Variants in THNSL1 observed in about 807,000 individuals in gnomAD.
The protein encoded by THNSL1 is threonine synthase-like 1.
Under a neutral mutation model 50.4 loss-of-function variants are expected in THNSL1, and 48 were observed. The observed-to-expected ratio is 0.95, with a 90% CI of 0.76 to 1.21. The LOEUF is 1.21. Among genes scored for constraint, THNSL1 ranks in the 50% most tolerant of loss-of-function variants. THNSL1 has a pLI of 0.00. For synonymous variants in THNSL1, 309 were observed against 306.1 expected, an observed-to-expected ratio of 1.01 and a Z score of -0.10; for missense variants, 896 against 871.7, an observed-to-expected ratio of 1.03 and a Z score of -0.35.
chr10:24,961,535 CT>C, the THNSL1 span, among the ~76,000 whole-genome samples: 12 of 150,330 alleles, frequency 8.0e-5, no homozygotes, highest in South Asian at 2.1e-4. Context: ...ATATTAGTGT[CT>C]TTTTTTTTCA....
intron 2 of THNSL1, 99 bp from the exon 3 acceptor site, chr10:25,023,077 G>C: frequency 1.3e-6 from 1 of 744,052 alleles, no homozygotes; most frequent in Non-Finnish European, 2.1e-6. Context: ...TGTACCATGG[G>C]CATGGTTATA....
Position 25,023,525 on chromosome 10 carries a change from A to C in THNSL1, c.302A>C (p.Glu101Ala). 1 of 1,614,150 alleles carries C rather than the reference A, an allele frequency of 6.2e-7. No homozygotes were observed. Among genetic ancestry groups the C allele is most frequent in the Non-Finnish European group, 8.5e-7 (1 of 1,180,018 alleles). ...LEKTWNMSVS[E>A]KLQDVGNEQF... ...AAAACCTGGAATATGAGTGTGTCTGAAAAATTACAGGATGTTGGTAATGAG... is the reference window on the plus strand; with the variant it reads ...AAAACCTGGAATATGAGTGTGTCTGCAAAATTACAGGATGTTGGTAATGAG... Residue 101 changes from glutamate (E) to alanine (A), a missense_variant, in exon 3 of 3, where the codon GAA becomes GCA. Physicochemically the swap from Glu to Ala is moderately radical, Grantham distance 107. Transcript: ENST00000376356.
At chr10:24,981,827 T>C in the THNSL1 span, among the ~76,000 whole-genome samples, 1 of 152,162 alleles carries the variant, frequency 6.6e-6, no homozygotes, top group East Asian at 1.9e-4. Flanking sequence ...CTTTAGTACT[T>C]GAGATCTTAA....
At chr10:24,989,416 C>T in the THNSL1 span, among the ~76,000 whole-genome samples, 1 of 152,130 alleles carries the variant, frequency 6.6e-6, no homozygotes, top group Non-Finnish European at 1.5e-5. Context: ...TGGGACATGC[C>T]GTCACTCTAC....
At chr10:25,017,552 T>C in intron 1 of THNSL1, among the ~76,000 whole-genome samples, 1 of 152,140 alleles carries the variant, frequency 6.6e-6, no homozygotes, top group East Asian at 1.9e-4. Flanking sequence ...AAAAAGGCTT[T>C]ACTGAATGTG....
chr10:24,958,128 T>C, the THNSL1 span, among the ~76,000 whole-genome samples: 63,577 of 151,888 alleles, frequency 0.42, 13,525 homozygotes, highest in African/African-American at 0.5. Flanking sequence ...TAATTCTTTC[T>C]GCACTAGACT....
chr10:24,959,976 A>T, the THNSL1 span, among the ~76,000 whole-genome samples: 3 of 152,142 alleles, frequency 2.0e-5, no homozygotes, highest in East Asian at 5.8e-4. Context: ...TATCCTTCAG[A>T]TTGACATGCA....
chr10:25,010,462 A>G, the THNSL1 span, among the ~76,000 whole-genome samples: 1 of 151,930 alleles, frequency 6.6e-6, no homozygotes, highest in South Asian at 2.1e-4. Flanking sequence ...TTATTATTAT[A>G]CTTTAAGTTT....
At chr10:24,958,360 G>C in the THNSL1 span, among the ~76,000 whole-genome samples, 17 of 152,208 alleles carry the variant, frequency 1.1e-4, no homozygotes, top group Middle Eastern at 3.4e-3. Flanking sequence ...CCATAGTGCC[G>C]AACAAAACTC....
chr10:25,007,973 TTA>T, the THNSL1 span, among the ~76,000 whole-genome samples: 1 of 148,510 alleles, frequency 6.7e-6, no homozygotes, highest in Non-Finnish European at 1.5e-5. Context: ...CTGTGATATA[TTA>T]TATATATGTA....
the THNSL1 span, among the ~76,000 whole-genome samples, chr10:24,997,819 A>ATATATATATATATG: frequency 6.6e-5 from 10 of 151,614 alleles, no homozygotes; most frequent in African/African-American, 2.2e-4. Context: ...ATATATATAT[A>ATATATATATATATG]TATATATGTT....
chr10:24,999,555 G>T, the THNSL1 span: 1 of 1,593,864 alleles, frequency 6.3e-7, no homozygotes, highest in South Asian at 1.2e-5. Flanking sequence ...ACCTAAAATT[G>T]AATTTTAAAA....
chr10:25,015,380 A>C (rs189912543), upstream of THNSL1, among the ~76,000 whole-genome samples: 1 of 152,332 alleles, frequency 6.6e-6, no homozygotes, highest in Admixed American at 6.5e-5. Flanking sequence ...CCTGAGGCTC[A>C]AAAGCAAATG....
the THNSL1 span, among the ~76,000 whole-genome samples, chr10:25,001,822 T>A: frequency 2.6e-5 from 4 of 152,186 alleles, no homozygotes; most frequent in Admixed American, 2.6e-4. Flanking sequence ...CTACTGATTC[T>A]CTAATCTGTG....
At chr10:24,998,352 T>G in the THNSL1 span, among the ~76,000 whole-genome samples, 39,730 of 126,162 alleles carry the variant, frequency 0.31, 5,665 homozygotes, top group East Asian at 0.5. Flanking sequence ...CCTCCCTTCC[T>G]TCCTTCCTCT....
In THNSL1 at chr10:25,024,245, AG is replaced by A; in HGVS notation, c.1023del (p.Glu341AspfsTer33). On this transcript the variant is annotated frameshift_variant, in exon 3 of 3. Transcript: ENST00000376356. LOFTEE classifies it high-confidence loss of function. ...RHLSGNQFIL[E>X]LFHGPTGSFK... ...CTTTCAGGCAACCAGTTCATCCTGG[AG>A]TTGTTTCATGGACCAACAGGATCAT... The A allele has an allele frequency of 6.2e-7, 1 of 1,614,180 alleles. No individual in the cohort carries two copies. Among genetic ancestry groups the A allele is most frequent in the South Asian group, 1.1e-5 (1 of 91,078 alleles).
chr10:25,017,114 G>C (rs1404683650), intron 1 of THNSL1, among the ~76,000 whole-genome samples: 1 of 152,240 alleles, frequency 6.6e-6, no homozygotes, highest in Admixed American at 6.5e-5. Context: ...CCTCTAGGTC[G>C]TTCTCCAGGA....
At chr10:24,995,847 C>A in the THNSL1 span, 3 of 1,609,078 alleles carry the variant, frequency 1.9e-6, no homozygotes, top group African/African-American at 2.7e-5. Flanking sequence ...GCTTTTTGGG[C>A]ACGTTCCGAT....
At chr10:25,001,099 T>A in the THNSL1 span, among the ~76,000 whole-genome samples, 7 of 152,180 alleles carry the variant, frequency 4.6e-5, no homozygotes, top group Admixed American at 3.9e-4. Flanking sequence ...GTATTTTAAA[T>A]ACATTTGAAA....
Sources: allele counts gnomAD v4.1 joint callset (sites outside exome capture counted in the v4.1 genomes callset), GRCh38; gene constraint gnomAD v4.1.1; transcripts MANE v1.5; gene names NCBI Gene and HGNC (gene_info 2026-07-23, HGNC 2026-07-21).